CPA4: variants seen among roughly 807,000 people sequenced by gnomAD.
The protein encoded by CPA4 is carboxypeptidase A3.
Under a neutral mutation model 54.7 loss-of-function variants are expected in CPA4, and 49 were observed. The observed-to-expected ratio is 0.90, with a 90% CI of 0.71 to 1.14. CPA4 has a LOEUF of 1.14. Among genes scored for constraint, CPA4 ranks in the 50% most tolerant of loss-of-function variants. CPA4 has a pLI of 0.00. For synonymous variants in CPA4, 215 were observed against 206.8 expected (o/e 1.04, Z -0.34); for missense variants, 487 against 525.1 (o/e 0.93, Z 0.71).
At chr7:130,293,890 CGTGT>C (rs901651195) in intron 1 of CPA4, among the ~76,000 whole-genome samples, 1 of 151,746 alleles carries the variant, frequency 6.6e-6, no homozygotes, top group Non-Finnish European at 1.5e-5. Context: ...TGTGTGTGCG[CGTGT>C]GTGTGTGCAC....
At chr7:130,308,033 A>G (rs992720428) in intron 7 of CPA4, 7 of 436,472 alleles carry the variant, frequency 1.6e-5, no homozygotes, top group Non-Finnish European at 2.9e-5. Context: ...AAAGCCAAAA[A>G]TTATTCAGTG....
chr7:130,295,639 C>T (rs7789559), intron 1 of CPA4, among the ~76,000 whole-genome samples: 32,185 of 152,214 alleles, frequency 0.21, 3,415 homozygotes, highest in South Asian at 0.29. Context: ...CATTGCACCC[C>T]GCAATGTCCT....
At chr7:130,300,333 A>ATTTTTTT (rs767924823) in intron 3 of CPA4, among the ~76,000 whole-genome samples, 1 of 124,432 alleles carries the variant, frequency 8.0e-6, no homozygotes, top group African/African-American at 3.1e-5. Context: ...CAAGAAGTAA[A>ATTTTTTT]TTTTTTTTTT....
intron 1 of CPA4, among the ~76,000 whole-genome samples, chr7:130,293,865 T>G (rs574655024): frequency 2.0e-5 from 3 of 152,088 alleles, no homozygotes; most frequent in Non-Finnish European, 4.4e-5. Flanking sequence ...CAGAGACACA[T>G]GCCTGAACAC....
intron 10 of CPA4, among the ~76,000 whole-genome samples, chr7:130,317,235 A>G (rs1244955733): frequency 1.3e-5 from 2 of 152,200 alleles, no homozygotes; most frequent in Non-Finnish European, 2.9e-5. Context: ...AATACTCACC[A>G]TTGCGTTACA....
chr7:130,312,016 T>C, intron 9 of CPA4, 22 bp from the exon 10 acceptor site: 1 of 1,603,030 alleles, frequency 6.2e-7, no homozygotes, highest in South Asian at 1.1e-5. Context: ...TTTTTCTCAC[T>C]CCACGGATTC....
intron 10 of CPA4, among the ~76,000 whole-genome samples, chr7:130,316,240 A>G (rs1793985522): frequency 6.6e-6 from 1 of 152,154 alleles, no homozygotes; most frequent in African/African-American, 2.4e-5. Context: ...TAGATGATGG[A>G]TTAGTTTTCC....
At chr7:130,304,440 T>G in intron 4 of CPA4, 38 bp from the exon 5 acceptor site, 1 of 1,242,354 alleles carries the variant, frequency 8.0e-7, no homozygotes, top group Non-Finnish European at 1.2e-6. Flanking sequence ...ATAAGCAGAT[T>G]TTTAAAATGT....
intron 6 of CPA4, 188 bp downstream of exon 6, chr7:130,306,108 T>C: frequency 1.7e-6 from 1 of 598,488 alleles, no homozygotes. Flanking sequence ...GCCAAATTGA[T>C]TGCGTTCCTG....
At chr7:130,297,311 C>T (rs537385582) in intron 1 of CPA4, among the ~76,000 whole-genome samples, 3 of 152,132 alleles carry the variant, frequency 2.0e-5, no homozygotes, top group Non-Finnish European at 4.4e-5. Context: ...GGTCAGGGAA[C>T]GATCAGGTTT....
At chr7:130,304,764 G>A (rs1418311528) in intron 5 of CPA4, 185 bp downstream of exon 5, 1 of 606,092 alleles carries the variant, frequency 1.6e-6, no homozygotes, top group Non-Finnish European at 2.9e-6. Context: ...TGTAGGGGGA[G>A]TTAGAAGGAG....
intron 9 of CPA4, among the ~76,000 whole-genome samples, chr7:130,311,716 C>G (rs1241902818): frequency 6.6e-6 from 1 of 152,022 alleles, no homozygotes; most frequent in East Asian, 1.9e-4. Context: ...TTACTAGATT[C>G]CTAGTGGGTC....
At position 130,310,056 on chromosome 7, in the gene CPA4, T is replaced by C. The variant is rs1040888837; in HGVS notation, c.794-731T>C. On this transcript the variant is annotated intron_variant, in intron 8 of 10. Transcript: ENST00000222482. This position sits in a 1 kb window ranked among gnomAD's most constrained non-coding sequence, Gnocchi z 4.3. ...TGCTGGGATTATAGACATGAGGCACTGTGCCCGGCCCCGATGGTTTGTTTT... is the reference window on the plus strand; with the variant it reads ...TGCTGGGATTATAGACATGAGGCACCGTGCCCGGCCCCGATGGTTTGTTTT... Among the ~76,000 whole-genome samples the C allele has an allele frequency of 6.6e-6, 1 of 152,240 alleles. No homozygotes were observed. The highest frequency in any genetic ancestry group is 2.4e-5 in the African/African-American group (1 of 41,456).
intron 10 of CPA4, among the ~76,000 whole-genome samples, chr7:130,315,861 T>C (rs1286771539): frequency 6.6e-6 from 1 of 152,200 alleles, no homozygotes; most frequent in Non-Finnish European, 1.5e-5. Flanking sequence ...GGCTTTTAAC[T>C]GTTCCTTTAT....
intron 4 of CPA4, among the ~76,000 whole-genome samples, chr7:130,301,595 C>G (rs1221950687): frequency 6.6e-6 from 1 of 152,144 alleles, no homozygotes; most frequent in Non-Finnish European, 1.5e-5. Flanking sequence ...GGATCACTCC[C>G]CCACATCTAA....
intron 10 of CPA4, among the ~76,000 whole-genome samples, chr7:130,314,493 G>T (rs975486056): frequency 3.3e-5 from 5 of 152,202 alleles, no homozygotes; most frequent in Non-Finnish European, 7.3e-5. Flanking sequence ...GGTCATGAAG[G>T]GTTGTAGGAA....
intron 10 of CPA4, among the ~76,000 whole-genome samples, chr7:130,313,233 T>C (rs1230858043): frequency 6.6e-6 from 1 of 152,206 alleles, no homozygotes; most frequent in Admixed American, 6.5e-5. Context: ...GTTAAATATC[T>C]TTGAAAAAGG....
chr7:130,295,800 A>G (rs1793639413), intron 1 of CPA4, among the ~76,000 whole-genome samples: 1 of 152,008 alleles, frequency 6.6e-6, no homozygotes, highest in African/African-American at 2.4e-5. Context: ...ACCAACATAG[A>G]GAAACCCCGC....
rs1765262289 is a variant in CPA4 at position 130,310,917 on chromosome 7, C to G, written c.924C>G (p.His308Gln). 2 of 1,614,034 alleles carry G rather than the reference C, an allele frequency of 1.2e-6. No homozygotes were observed. Among genetic ancestry groups the G allele is most frequent in the Non-Finnish European group, 1.7e-6 (2 of 1,180,000 alleles). ...HGNFKGFIDL[H>Q]SYSQLLMYPY... is the part of the protein sequence containing the mutation. ...ATTTCAAGGGCTTCATCGACCTGCA[C>G]AGCTACTCGCAGCTGCTGATGTATC... The change falls in exon 9 of 11, where the codon CAC (histidine) becomes CAG (glutamine). Residue 308 changes from histidine to glutamine, a missense_variant. Transcript: ENST00000222482. This position sits in a 1 kb window ranked among gnomAD's most constrained non-coding sequence, Gnocchi z 4.3.
Sources: gnomAD v4.1 joint callset for allele counts (sites outside exome capture counted in the v4.1 genomes callset) on GRCh38, gnomAD v4.1.1 for gene constraint, Gnocchi (gnomAD v3.1) non-coding constraint, MANE v1.5 for transcripts, NCBI Gene and HGNC (gene_info 2026-07-23, HGNC 2026-07-21) for gene names.